The following ECPAS variants were observed in gnomAD, a reference collection of about 807,000 sequenced individuals.
ECPAS encodes the protein Ecm29 proteasome adaptor and scaffold.
A neutral mutation model predicts 255.1 loss-of-function variants in ECPAS; 70 were observed. The ratio of observed to expected loss-of-function variants is 0.27; its 90% CI spans 0.23 to 0.33. The LOEUF (loss-of-function observed/expected upper bound fraction) is 0.33. Ranked by LOEUF, ECPAS falls within the 10% of genes least tolerant of loss-of-function variation. The pLI is 1.00. For missense variants in ECPAS, 1,817 were observed against 2,206.4 expected (o/e 0.82, Z 3.54); for synonymous variants, 784 against 775.0 (o/e 1.01, Z -0.19).
At chr9:111,371,899 A>G (rs1313147245) in intron 42 of ECPAS, 70 bp from the exon 43 acceptor site, 3 of 1,275,192 alleles carry the variant, frequency 2.4e-6, no homozygotes, top group Admixed American at 3.8e-5. Context: ...AACCTGAAAA[A>G]AAGTCAGTGA....
chr9:111,402,258 A>G (rs1244124370), intron 24 of ECPAS, among the ~76,000 whole-genome samples: 4 of 152,222 alleles, frequency 2.6e-5, no homozygotes, highest in Non-Finnish European at 5.9e-5. Flanking sequence ...ACTTCCCACA[A>G]CATTCAAATA....
At chr9:111,443,293 C>G (rs1243224695) in intron 4 of ECPAS, among the ~76,000 whole-genome samples, 1 of 152,212 alleles carries the variant, frequency 6.6e-6, no homozygotes, top group Non-Finnish European at 1.5e-5. Context: ...CTCTGTCACC[C>G]AGGCTGGAGT....
chr9:111,405,513 G>A (rs1444548261), intron 24 of ECPAS, among the ~76,000 whole-genome samples: 1 of 149,642 alleles, frequency 6.7e-6, no homozygotes, highest in East Asian at 2.0e-4. Flanking sequence ...GATCATAAAA[G>A]CACAGACAAC....
intron 2 of ECPAS, among the ~76,000 whole-genome samples, chr9:111,463,612 T>C (rs2098275804): frequency 6.6e-6 from 1 of 152,158 alleles, no homozygotes; most frequent in African/African-American, 2.4e-5. Context: ...TTATTAAGAT[T>C]GAGTGTGACA....
In ECPAS at chr9:111,362,176, G is replaced by T; in HGVS notation, c.5381-7C>A. The T allele has an allele frequency of 3.1e-5, 37 of 1,187,868 alleles. No homozygotes were observed. The highest frequency in any genetic ancestry group is 3.5e-5 in the Non-Finnish European group (31 of 896,600). The allele number at this position is 1,187,868 out of a possible 1,614,324, so 73.6% of individuals were successfully genotyped here. On this transcript the variant is annotated splice_polypyrimidine_tract_variant and splice_region_variant and intron_variant, in intron 49 of 49. Coordinates refer to ENST00000684092, the MANE Select transcript of ECPAS (RefSeq NM_001364929.1). ...CATTCCCACTGTTTAGATTCTGCATGAAAAAAAAAAAACAAAAACAAAAAA... is the reference window on the plus strand; with the variant it reads ...CATTCCCACTGTTTAGATTCTGCATTAAAAAAAAAAAACAAAAACAAAAAA...
chr9:111,479,292 G>A (rs1280330136), intron 1 of ECPAS, among the ~76,000 whole-genome samples: 2 of 152,144 alleles, frequency 1.3e-5, no homozygotes, highest in Non-Finnish European at 2.9e-5. Context: ...TAATACCACT[G>A]TACACTTAAA....
intron 48 of ECPAS, 105 bp from the exon 49 acceptor site, chr9:111,363,764 G>T: frequency 1.5e-6 from 1 of 649,572 alleles, no homozygotes; most frequent in Non-Finnish European, 2.7e-6. Flanking sequence ...TACAACTCTA[G>T]GGAAGGGTAT....
chr9:111,391,980 C>CCTAT (rs1429786352), intron 28 of ECPAS, among the ~76,000 whole-genome samples, 156 bp from the exon 29 acceptor site: 2 of 152,192 alleles, frequency 1.3e-5, no homozygotes, highest in Non-Finnish European at 2.9e-5. Flanking sequence ...GTGGCTCACA[C>CCTAT]CTATAATCCC....
chr9:111,454,743 C>G (rs1267802007), intron 2 of ECPAS, among the ~76,000 whole-genome samples: 2 of 149,188 alleles, frequency 1.3e-5, no homozygotes, highest in Non-Finnish European at 3.0e-5. Context: ...CAGGGTCTTG[C>G]TGACACCCAG....
In ECPAS at chr9:111,440,436, C is replaced by G; in HGVS notation, c.475G>C (p.Glu159Gln). ...AGCAGCTGCACAGTCTTTGGTTTCT[C>G]AGCAAGATTAAATGGAGAAGCTGAT... ...SKSASPFNLA[E>Q]KPKTVQLLLD... is the part of the protein sequence containing the mutation. The change falls in exon 6 of 50, where the codon GAG becomes CAG. Residue 159 changes from glutamate to glutamine, a missense_variant. By Grantham distance (29) the Glu-to-Gln change is conservative. Around this residue, in one of 4 missense-constraint regions of ECPAS, gnomAD observed 573 missense variants for 716.2 expected, o/e 0.80. Transcript: ENST00000684092. The G allele has an allele frequency of 6.2e-7, 1 of 1,613,500 alleles. No individual in the cohort carries two copies. Among genetic ancestry groups the G allele is most frequent in the Non-Finnish European group, 8.5e-7 (1 of 1,179,628 alleles).
At chr9:111,388,856 T>G (rs2098154820) in intron 31 of ECPAS, among the ~76,000 whole-genome samples, 1 of 151,828 alleles carries the variant, frequency 6.6e-6, no homozygotes, top group African/African-American at 2.4e-5. Flanking sequence ...AGGTAAACAG[T>G]GAGAGTAGAG....
At chr9:111,392,111 G>A (rs566825958) in intron 28 of ECPAS, among the ~76,000 whole-genome samples, 9 of 152,156 alleles carry the variant, frequency 5.9e-5, no homozygotes, top group South Asian at 2.1e-4. Flanking sequence ...ATGGTGGCAC[G>A]CGCCTGTAGT....
intron 10 of ECPAS, among the ~76,000 whole-genome samples, chr9:111,426,627 G>A (rs528078129): frequency 2.0e-5 from 3 of 151,458 alleles, no homozygotes; most frequent in East Asian, 3.9e-4. Flanking sequence ...AGGCTAGGAC[G>A]GGAGGATCAC....
At chr9:111,375,721 C>T (rs1013281890) in intron 37 of ECPAS, among the ~76,000 whole-genome samples, 4 of 151,962 alleles carry the variant, frequency 2.6e-5, no homozygotes, top group African/African-American at 4.8e-5. Flanking sequence ...TTTTTATTTC[C>T]CCCCAATAAT....
intron 5 of ECPAS, among the ~76,000 whole-genome samples, chr9:111,441,461 C>T (rs147502466): frequency 6.6e-6 from 1 of 150,658 alleles, no homozygotes; most frequent in Non-Finnish European, 1.5e-5. Context: ...GCCAAGATTG[C>T]GCCATTGCAC....
At chr9:111,373,951 C>T (rs756494344) in intron 39 of ECPAS, 21 bp downstream of exon 39, 9 of 1,589,200 alleles carry the variant, frequency 5.7e-6, no homozygotes, top group Non-Finnish European at 7.8e-6. Flanking sequence ...AATATCACCA[C>T]ACATCCCTTG....
At chr9:111,383,160 T>G (rs2098142751) in intron 35 of ECPAS, 51 bp downstream of exon 35, 1 of 1,591,334 alleles carries the variant, frequency 6.3e-7, no homozygotes, top group Admixed American at 1.7e-5. Context: ...GAAACACAAT[T>G]TCTAGGAACT....
intron 1 of ECPAS, among the ~76,000 whole-genome samples, chr9:111,473,858 T>TC (rs1161805851): frequency 1.3e-5 from 2 of 152,020 alleles, no homozygotes; most frequent in East Asian, 3.9e-4. Flanking sequence ...TCCCAGCTAC[T>TC]CAGGAGGCTG....
At chr9:111,383,914 C>G (rs561631193) in intron 34 of ECPAS, among the ~76,000 whole-genome samples, 1 of 151,706 alleles carries the variant, frequency 6.6e-6, no homozygotes, top group Non-Finnish European at 1.5e-5. Flanking sequence ...AGAGTAAGAC[C>G]TTGTCTCAAA....
Sources: allele counts gnomAD v4.1 joint callset (sites outside exome capture counted in the v4.1 genomes callset), GRCh38; gene constraint gnomAD v4.1.1; regional missense constraint gnomAD v4.1.1; transcripts MANE v1.5; gene names NCBI Gene and HGNC (gene_info 2026-07-23, HGNC 2026-07-21).